The following RAB27A variants were observed in gnomAD, a reference collection of about 807,000 sequenced individuals.
The protein encoded by RAB27A is RAB27A, member RAS oncogene family.
In RAB27A, 17 loss-of-function variants were observed where a neutral mutation model predicts 20.8. That is an observed-to-expected ratio of 0.82 (90% CI 0.56 to 1.23). RAB27A has a LOEUF of 1.23. Among genes scored for constraint, RAB27A ranks in the 50% most tolerant of loss-of-function variants. The probability of loss-of-function intolerance (pLI) is 0.00; values close to 1 mark genes in which losing one functional copy is unlikely to be tolerated. For synonymous variants in RAB27A, 85 were observed against 92.8 expected (o/e 0.92, Z 0.48); for missense variants, 277 against 266.7 (o/e 1.04, Z -0.27).
intron 2 of RAB27A, among the ~76,000 whole-genome samples, chr15:55,311,087 A>C (rs969571514): frequency 6.6e-6 from 1 of 151,090 alleles, no homozygotes; most frequent in South Asian, 2.1e-4. Flanking sequence ...GCCTGTGGGG[A>C]ATTTTTCTCT....
chr15:55,273,408 C>CAA (rs538573721), intron 1 of RAB27A, among the ~76,000 whole-genome samples: 3 of 109,686 alleles, frequency 2.7e-5, no homozygotes, highest in African/African-American at 6.9e-5. Flanking sequence ...GACTCCATCT[C>CAA]AAAAAAAAAA....
intron 6 of RAB27A, among the ~76,000 whole-genome samples, chr15:55,218,837 G>A (rs900223880): frequency 6.6e-6 from 1 of 151,604 alleles, no homozygotes; most frequent in Non-Finnish European, 1.5e-5. Context: ...CTGCCTCCTG[G>A]GTTCAAGCAA....
intron 1 of RAB27A, among the ~76,000 whole-genome samples, chr15:55,288,489 C>T (rs1898216611): frequency 6.6e-6 from 1 of 151,980 alleles, no homozygotes; most frequent in African/African-American, 2.4e-5. Flanking sequence ...CCACCGCATT[C>T]CTACCTGGGC....
chr15:55,317,497 T>G (rs1242585377), intron 1 of RAB27A: 1 of 321,200 alleles, frequency 3.1e-6, no homozygotes, highest in Non-Finnish European at 5.7e-6. Context: ...GTATTTTCAG[T>G]AGAGACAGGG....
chr15:55,230,542 T>G, intron 3 of RAB27A, 56 bp from the exon 4 acceptor site: 1 of 1,430,026 alleles, frequency 7.0e-7, no homozygotes, highest in Non-Finnish European at 9.8e-7. Context: ...CCAGCGAACC[T>G]TCTCACCTTT....
chr15:55,298,375 C>T lies in RAB27A; in HGVS notation c.-112+15664G>A, dbSNP rs569496827. On this transcript the variant is annotated intron_variant, in intron 2 of 5. Coordinates refer to the RAB27A transcript ENST00000563262. ...GGCGACCGGGGGAGACATCACATGT[C>T]GGTAGGTTCCGTGATGCCCCACGAG... Among the ~76,000 whole-genome samples, 11 of 152,170 alleles carry T rather than the reference C, an allele frequency of 7.2e-5. No homozygotes were observed. The South Asian group carries it at 8.3e-4, about 11-fold the overall frequency.
intron 2 of RAB27A, among the ~76,000 whole-genome samples, chr15:55,301,491 C>G (rs1240524187): frequency 7.0e-6 from 1 of 141,870 alleles, no homozygotes; most frequent in Non-Finnish European, 1.6e-5. Context: ...CAGTGGTTTG[C>G]ATGCAGTGTC....
At chr15:55,293,085 T>C (rs912459004), upstream of RAB27A, among the ~76,000 whole-genome samples, 1 of 152,208 alleles carries the variant, frequency 6.6e-6, no homozygotes, top group Non-Finnish European at 1.5e-5. Flanking sequence ...TACCTCTTGC[T>C]TCCCACACTG....
chr15:55,212,660 G>C (rs1277539442), intron 6 of RAB27A, among the ~76,000 whole-genome samples: 1 of 151,480 alleles, frequency 6.6e-6, no homozygotes, highest in East Asian at 1.9e-4. Context: ...CTCCCAAGTA[G>C]CTGGGATTAC....
At chr15:55,217,776 G>C (rs1014677533) in intron 6 of RAB27A, among the ~76,000 whole-genome samples, 1 of 148,832 alleles carries the variant, frequency 6.7e-6, no homozygotes, top group Non-Finnish European at 1.5e-5. Context: ...TGCTAATGTA[G>C]CACCACCATG....
chr15:55,290,756 G>A (rs1030118551), upstream of RAB27A, among the ~76,000 whole-genome samples: 3 of 152,264 alleles, frequency 2.0e-5, no homozygotes, highest in African/African-American at 4.8e-5. Flanking sequence ...TCAGTGGCCA[G>A]GAGGTGTGAA....
chr15:55,319,081 G>GA, exon 1 of RAB27A: 1 of 784,650 alleles, frequency 1.3e-6, no homozygotes. Context: ...CGGAAACGGC[G>GA]AAAGGAAACC....
intron 1 of RAB27A, among the ~76,000 whole-genome samples, chr15:55,316,475 T>C (rs1239738956): frequency 2.6e-5 from 4 of 151,390 alleles, no homozygotes; most frequent in Non-Finnish European, 5.9e-5. Flanking sequence ...AAATACCTAA[T>C]GCCTGCAGGG....
At chr15:55,258,522 G>C (rs551547461) in intron 2 of RAB27A, among the ~76,000 whole-genome samples, 1 of 152,174 alleles carries the variant, frequency 6.6e-6, no homozygotes, top group East Asian at 1.9e-4. Flanking sequence ...GTGCACACCA[G>C]GGGGAGTCAC....
At chr15:55,299,170 T>C (rs117283003) in intron 2 of RAB27A, among the ~76,000 whole-genome samples, 8,180 of 152,312 alleles carry the variant, frequency 0.054, 298 homozygotes, top group East Asian at 0.16. Context: ...TGTTTAGAGA[T>C]TGCAGTAAAG....
chr15:55,306,981 G>T (rs780178001), intron 2 of RAB27A, among the ~76,000 whole-genome samples: 1 of 152,136 alleles, frequency 6.6e-6, no homozygotes, highest in South Asian at 2.1e-4. Flanking sequence ...TTGTCTCCTG[G>T]ATTTTCGGGT....
At chr15:55,276,462 C>CA (rs770342794) in intron 1 of RAB27A, among the ~76,000 whole-genome samples, 62 of 152,274 alleles carry the variant, frequency 4.1e-4, no homozygotes, top group Admixed American at 1.2e-3. Context: ...CCCAGCTACT[C>CA]AAGAGGCTGA....
chr15:55,279,155 C>A (rs570893106), intron 1 of RAB27A, among the ~76,000 whole-genome samples: 1 of 152,282 alleles, frequency 6.6e-6, no homozygotes, highest in East Asian at 1.9e-4. Flanking sequence ...CAGAAAGAGC[C>A]AGGCAGATAA....
At chr15:55,281,720 G>T (rs1335976101) in intron 1 of RAB27A, among the ~76,000 whole-genome samples, 1 of 151,004 alleles carries the variant, frequency 6.6e-6, no homozygotes, top group Non-Finnish European at 1.5e-5. Flanking sequence ...AGGGAAGGAA[G>T]GGAGAAGGGA....
Sources: gnomAD v4.1 joint callset for allele counts (sites outside exome capture counted in the v4.1 genomes callset) on GRCh38, gnomAD v4.1.1 for gene constraint, MANE v1.5 for transcripts, NCBI Gene and HGNC (gene_info 2026-07-23, HGNC 2026-07-21) for gene names.